DCX: variants seen among roughly 807,000 people sequenced by gnomAD.
DCX encodes neuronal migration protein doublecortin.
A neutral mutation model predicts 20.9 loss-of-function variants in DCX; 4 were observed. That is an observed-to-expected ratio of 0.19 (90% CI 0.09 to 0.44). The LOEUF is 0.44. Among genes scored for constraint, DCX ranks in the 20% least tolerant of loss-of-function variants. The pLI, the probability that DCX is intolerant of heterozygous loss-of-function variation, is 0.99. For synonymous variants in DCX, 103 were observed against 111.4 expected (o/e 0.92, Z 0.47); for missense variants, 133 against 296.9 (o/e 0.45, Z 4.06).
chrX:111,313,293 T>A (rs956449853), intron 5 of DCX, among the ~76,000 whole-genome samples: 1 of 109,764 alleles, frequency 9.1e-6, no homozygotes, highest in Non-Finnish European at 1.9e-5. Context: ...TCTGCATGTG[T>A]GAAAAGAACA....
chrX:111,393,248 A>T (rs781695518), intron 3 of DCX, among the ~76,000 whole-genome samples: 2 of 111,034 alleles, frequency 1.8e-5, no homozygotes, highest in African/African-American at 6.5e-5. Context: ...CTTTTCAACA[A>T]ATAGTGCTAG....
intron 3 of DCX, among the ~76,000 whole-genome samples, chrX:111,347,292 T>C (rs751909795): frequency 7.4e-4 from 83 of 111,768 alleles, no homozygotes; most frequent in Non-Finnish European, 1.5e-3. Context: ...GCTTACTTAA[T>C]TCTTGATCTT....
chrX:111,365,679 G>T (rs1216264925), intron 3 of DCX, among the ~76,000 whole-genome samples: 1 of 107,970 alleles, frequency 9.3e-6, no homozygotes, highest in Non-Finnish European at 1.9e-5. Context: ...AGGCAATATA[G>T]TTATATTAGA....
intron 3 of DCX, among the ~76,000 whole-genome samples, chrX:111,340,637 C>A (rs1284193238): frequency 9.0e-6 from 1 of 111,298 alleles, no homozygotes; most frequent in Non-Finnish European, 1.9e-5. Context: ...CAGGTTTGTG[C>A]CCCTCGAGGT....
chrX:111,309,532 G>C (rs2095052797), intron 6 of DCX, among the ~76,000 whole-genome samples: 1 of 111,948 alleles, frequency 8.9e-6, no homozygotes, highest in Non-Finnish European at 1.9e-5. Flanking sequence ...AGAAAAACCA[G>C]TTCAATCTTC....
chrX:111,404,614 A>C (rs1471794110), intron 2 of DCX, among the ~76,000 whole-genome samples: 1 of 112,106 alleles, frequency 8.9e-6, no homozygotes, highest in Non-Finnish European at 1.9e-5. Flanking sequence ...TAAAGCAAAG[A>C]TAATGCACTA....
intron 3 of DCX, among the ~76,000 whole-genome samples, chrX:111,347,008 C>A (rs1406104085): frequency 9.0e-6 from 1 of 111,281 alleles, no homozygotes; most frequent in Non-Finnish European, 1.9e-5. Flanking sequence ...CTAGAACCAC[C>A]ACCACCATAA....
At chrX:111,352,512 A>C (rs141199326) in intron 3 of DCX, among the ~76,000 whole-genome samples, 1,608 of 111,739 alleles carry the variant, frequency 0.014, 16 homozygotes, top group Admixed American at 0.031. Flanking sequence ...CCCTAATAGA[A>C]GCTTATTTCC....
chrX:111,390,760 A>G (rs1926871769), intron 3 of DCX, among the ~76,000 whole-genome samples: 1 of 110,909 alleles, frequency 9.0e-6, no homozygotes, highest in Non-Finnish European at 1.9e-5. Flanking sequence ...GCACTTTGGG[A>G]GGCTGAGGCG....
At chrX:111,391,846 T>C in intron 3 of DCX, among the ~76,000 whole-genome samples, 1 of 111,784 alleles carries the variant, frequency 8.9e-6, no homozygotes. Flanking sequence ...GTAGAATATG[T>C]GGTATCGATT....
chrX:111,325,238 T>C (rs1008529440), intron 5 of DCX, among the ~76,000 whole-genome samples: 2 of 110,812 alleles, frequency 1.8e-5, no homozygotes, highest in African/African-American at 6.6e-5. Flanking sequence ...AGCCTGGAGA[T>C]GGGAGAAGGG....
chrX:111,402,307 G>C (rs1297620987), intron 2 of DCX, among the ~76,000 whole-genome samples: 1 of 111,933 alleles, frequency 8.9e-6, no homozygotes, highest in Non-Finnish European at 1.9e-5. Context: ...AGAGGCAAGA[G>C]GAGGGGACTG....
Position 111,314,382 on chromosome X carries a change from T to C in DCX, c.947-1646A>G, listed in dbSNP as rs752834030. On this transcript the variant is annotated intron_variant, in intron 5 of 6. Transcript: ENST00000636035. ...ATTCAGTGAAATAAACGCTAAGACA[T>C]AGCCTTGCATAGGGTATTATTGGAA... Among the ~76,000 whole-genome samples, 6 of 111,868 alleles carry C rather than the reference T, an allele frequency of 5.4e-5. No individual in the cohort carries two copies. In the East Asian group the frequency reaches 1.1e-3, roughly 21 times the overall value.
chrX:111,312,608 A>G (rs1014811177), intron 6 of DCX, 31 bp downstream of exon 6: 2 of 1,186,075 alleles, frequency 1.7e-6, no homozygotes, highest in African/African-American at 3.5e-5. Context: ...AACTGAGTGC[A>G]AAGAGGTTTA....
At position 111,379,151 on chromosome X, in the gene DCX, C is replaced by T. The variant is rs961867756; in HGVS notation, c.705+21839G>A. Among the ~76,000 whole-genome samples the T allele has an allele frequency of 4.4e-5, 5 of 112,366 alleles. No homozygotes were observed. The Admixed American group carries it at 4.7e-4, about 11-fold the overall frequency. On this transcript the variant is annotated intron_variant, in intron 3 of 6. Transcript: ENST00000636035. ...TGATAAGCACACACTATAATTCACG[C>T]ATAAACTATATTACTGAACTTGAAT...
chrX:111,381,024 C>T (rs923007117), intron 3 of DCX, among the ~76,000 whole-genome samples: 2 of 110,879 alleles, frequency 1.8e-5, no homozygotes, highest in African/African-American at 6.5e-5. Flanking sequence ...AGAGCTATGA[C>T]TAAAACCCAG....
Position 111,296,551 on chromosome X carries a change from A to C in DCX, c.*5136T>G, listed in dbSNP as rs184151622. On this transcript the variant is annotated 3_prime_UTR_variant, in exon 7 of 7. Transcript: ENST00000636035. ...GCAGATAATTTGAGGCCAAGAGTTC[A>C]AGACCAGTCTGGCCAACATGGTGAA... is the stretch of plus-strand genomic sequence containing the variant. 2 of 111,052 alleles carry C rather than the reference A, an allele frequency of 1.8e-5. No individual in the cohort carries two copies. Among genetic ancestry groups the C allele is most frequent in the East Asian group, 2.8e-4 (1 of 3,530 alleles). The allele number at this position is 111,052 out of a possible 1,213,427, so 9.2% of individuals were successfully genotyped here.
intron 3 of DCX, among the ~76,000 whole-genome samples, chrX:111,356,111 G>A (rs994141039): frequency 3.6e-5 from 4 of 112,175 alleles, no homozygotes; most frequent in African/African-American, 6.5e-5. Context: ...ACTTGATGCC[G>A]ATACCCAGAT....
intron 3 of DCX, among the ~76,000 whole-genome samples, chrX:111,393,066 T>C (rs1203610671): frequency 9.0e-6 from 1 of 111,459 alleles, no homozygotes; most frequent in Non-Finnish European, 1.9e-5. Context: ...GTACTTGTAT[T>C]GTAGAGTATT....
Sources: gnomAD v4.1 joint callset for allele counts (sites outside exome capture counted in the v4.1 genomes callset) on GRCh38, gnomAD v4.1.1 for gene constraint, MANE v1.5 for transcripts, NCBI Gene and HGNC (gene_info 2026-07-23, HGNC 2026-07-21) for gene names.